Variants in LOXL2 observed in about 807,000 individuals in gnomAD.
LOXL2 encodes the protein lysyl oxidase like 2.
Under a neutral mutation model 93.0 loss-of-function variants are expected in LOXL2, and 70 were observed. The observed-to-expected ratio is 0.75, with a 90% CI of 0.62 to 0.92. LOXL2 has a LOEUF of 0.92. Among genes scored for constraint, LOXL2 ranks in the 40% least tolerant of loss-of-function variants. The probability of loss-of-function intolerance (pLI) is 0.00; values close to 1 mark genes in which losing one functional copy is unlikely to be tolerated. For synonymous variants in LOXL2, 438 were observed against 413.2 expected (o/e 1.06, Z -0.73); for missense variants, 973 against 1,054.9 (o/e 0.92, Z 1.08).
intron 6 of LOXL2, among the ~76,000 whole-genome samples, chr8:23,323,725 G>A (rs552918482): frequency 6.6e-5 from 10 of 151,728 alleles, no homozygotes; most frequent in Non-Finnish European, 1.0e-4. Context: ...GGGGTGGGAC[G>A]AACTCTTGCT....
Position 23,302,181 on chromosome 8 carries a change from G to A in LOXL2, c.1997-18C>T. 1 of 1,613,426 alleles carries A rather than the reference G, an allele frequency of 6.2e-7. No individual in the cohort carries two copies. Among genetic ancestry groups the A allele is most frequent in the East Asian group, 2.2e-5 (1 of 44,864 alleles). On this transcript the variant is annotated intron_variant, in intron 11 of 13. Coordinates refer to ENST00000389131, the MANE Select transcript of LOXL2 (RefSeq NM_002318.3). ...CTGGATGTCTGCGGGCAGGGTAGAG[G>A]AGAGCTCATCACCAGGGAACCATGG...
At chr8:23,388,510 G>A (rs1804796208) in intron 1 of LOXL2, among the ~76,000 whole-genome samples, 1 of 152,044 alleles carries the variant, frequency 6.6e-6, no homozygotes, top group Non-Finnish European at 1.5e-5. Flanking sequence ...CTTGAGCCCA[G>A]GAGGTTGAGG....
At position 23,298,920 on chromosome 8, in the gene LOXL2, C is replaced by G; in HGVS notation, c.2161G>C (p.Ala721Pro). 6.2e-7 allele frequency: 1 copy of G among 1,613,340 alleles called. No homozygotes were observed. The highest frequency in any genetic ancestry group is 8.5e-7 in the Non-Finnish European group (1 of 1,179,356). Residue 721 changes from alanine to proline, a missense_variant, in exon 13 of 14, where the codon GCA becomes CCA. Transcript: ENST00000389131. Reference protein sequence around the residue: ...QVVINPNFEVAESDYSNNIMK... With the variant: ...QVVINPNFEVPESDYSNNIMK... Reference sequence around the variant, plus strand: ...ATGTTGTTGGAGTAATCGGATTCTGCAACCTCGAAGTTGGGGTTAATAACA... The same window carrying G: ...ATGTTGTTGGAGTAATCGGATTCTGGAACCTCGAAGTTGGGGTTAATAACA...
At chr8:23,402,233 A>G (rs1400414380) in intron 1 of LOXL2, among the ~76,000 whole-genome samples, 3 of 97,740 alleles carry the variant, frequency 3.1e-5, no homozygotes, top group African/African-American at 8.5e-5. Context: ...ACACCGGTGC[A>G]CACACATACA....
intron 1 of LOXL2, among the ~76,000 whole-genome samples, chr8:23,403,595 C>T (rs921480890): frequency 1.3e-5 from 2 of 152,204 alleles, no homozygotes; most frequent in African/African-American, 4.8e-5. Flanking sequence ...GACGCTGTCC[C>T]TGGAGCCACG....
intron 1 of LOXL2, among the ~76,000 whole-genome samples, chr8:23,377,816 T>C (rs1804617823): frequency 6.6e-6 from 1 of 152,202 alleles, no homozygotes; most frequent in South Asian, 2.1e-4. Flanking sequence ...ATCCCTTTAT[T>C]GTGAGCCTAT....
At chr8:23,332,161 C>A (rs1410388956) in intron 5 of LOXL2, among the ~76,000 whole-genome samples, 1 of 151,182 alleles carries the variant, frequency 6.6e-6, no homozygotes, top group Non-Finnish European at 1.5e-5. Flanking sequence ...CACTCACACA[C>A]ACACTCACAC....
intron 5 of LOXL2, among the ~76,000 whole-genome samples, chr8:23,332,226 C>G (rs554934149): frequency 8.3e-6 from 1 of 120,552 alleles, no homozygotes; most frequent in Non-Finnish European, 1.8e-5. Flanking sequence ...CCACACACCC[C>G]CTACACACTC....
At chr8:23,386,520 A>G (rs1330650540) in intron 1 of LOXL2, among the ~76,000 whole-genome samples, 1 of 152,228 alleles carries the variant, frequency 6.6e-6, no homozygotes, top group African/African-American at 2.4e-5. Flanking sequence ...AATATGGCAG[A>G]CACATTTCTC....
intron 6 of LOXL2, among the ~76,000 whole-genome samples, chr8:23,325,791 C>T (rs773353789): frequency 1.3e-5 from 2 of 152,202 alleles, no homozygotes; most frequent in Non-Finnish European, 2.9e-5. Context: ...CTTGCAGGGA[C>T]ATGGAGGCAC....
In LOXL2 at chr8:23,297,246, T is replaced by C. The variant is rs2117132890; in HGVS notation, c.*797A>G. On this transcript the variant is annotated 3_prime_UTR_variant, in exon 14 of 14. Coordinates refer to ENST00000389131, the MANE Select transcript of LOXL2 (RefSeq NM_002318.3). The stretch of plus-strand genomic sequence containing the variant: ...AAGTGTCTGTGATGACACATGGTGC[T>C]CAGTGAGCGCCCTGTCACCCAGGAC... 1 of 152,316 alleles carries C rather than the reference T, an allele frequency of 6.6e-6. No homozygotes were observed. The highest frequency in any genetic ancestry group is 2.4e-5 in the African/African-American group (1 of 41,558). 9.4% of individuals were successfully genotyped at this position (152,316 alleles called of 1,614,324 possible).
At chr8:23,309,411 AC>A (rs1273025635) in intron 10 of LOXL2, among the ~76,000 whole-genome samples, 2 of 152,208 alleles carry the variant, frequency 1.3e-5, no homozygotes, top group African/African-American at 2.4e-5. Flanking sequence ...GGCGCTCAAA[AC>A]AAAGTGTGTT....
At chr8:23,305,823 T>A (rs1293400587) in intron 10 of LOXL2, among the ~76,000 whole-genome samples, 1 of 151,958 alleles carries the variant, frequency 6.6e-6, no homozygotes, top group Non-Finnish European at 1.5e-5. Context: ...GTTTTTGTTT[T>A]TTTTTTGAGA....
intron 3 of LOXL2, among the ~76,000 whole-genome samples, chr8:23,356,222 C>T (rs1188894197): frequency 1.3e-5 from 2 of 152,216 alleles, no homozygotes; most frequent in African/African-American, 2.4e-5. Context: ...ACCATCCACT[C>T]TGTTTACACA....
rs1159727066 is a variant in LOXL2 at position 23,394,396 on chromosome 8, GAA to G, written c.-84+9556_-84+9557del. 3.1e-5 allele frequency among the ~76,000 whole-genome samples: 2 copies of G among 64,350 alleles called. 1 individual carries two copies. Among genetic ancestry groups the G allele is most frequent in the African/African-American group, 1.1e-4 (2 of 17,706 alleles). 42.2% of individuals were successfully genotyped at this position (64,350 alleles called of 152,430 possible). ...TGACAGAGTGAGACTCTGTCTCAGA[GAA>G]AAAAAAAAAAAAAAAAAGACAACCA... On this transcript the variant is annotated intron_variant, in intron 1 of 13. Coordinates refer to ENST00000389131, the MANE Select transcript of LOXL2 (RefSeq NM_002318.3).
intron 10 of LOXL2, among the ~76,000 whole-genome samples, chr8:23,305,774 A>C (rs1029609046): frequency 6.6e-6 from 1 of 151,840 alleles, no homozygotes; most frequent in Non-Finnish European, 1.5e-5. Context: ...AAGAAGACAC[A>C]GCCTTCTACC....
chr8:23,309,174 G>C lies in LOXL2; in HGVS notation c.1880+494C>G, dbSNP rs543000159. Among the ~76,000 whole-genome samples the C allele has an allele frequency of 3.3e-5, 5 of 152,066 alleles. No homozygotes were observed. The South Asian group carries it at 1.0e-3, about 32-fold the overall frequency. ...TAATTTTCGTATTTTTAGTAGAGAC[G>C]GGGTTTCACCGTGTTAGCCAGAATG... On this transcript the variant is annotated intron_variant, in intron 10 of 13. Coordinates refer to ENST00000389131, the MANE Select transcript of LOXL2 (RefSeq NM_002318.3).
chr8:23,308,928 C>T (rs1803275611), intron 10 of LOXL2, among the ~76,000 whole-genome samples: 1 of 151,878 alleles, frequency 6.6e-6, no homozygotes, highest in Admixed American at 6.6e-5. Flanking sequence ...TCTCCACACC[C>T]ATTGTCTTCC....
intron 1 of LOXL2, among the ~76,000 whole-genome samples, chr8:23,390,990 A>G (rs1042367184): frequency 6.6e-6 from 1 of 152,206 alleles, no homozygotes; most frequent in African/African-American, 2.4e-5. Context: ...GGCAGCAGAC[A>G]TGAGAGAATA....
Sources: allele counts gnomAD v4.1 joint callset (sites outside exome capture counted in the v4.1 genomes callset), GRCh38; gene constraint gnomAD v4.1.1; transcripts MANE v1.5; gene names NCBI Gene and HGNC (gene_info 2026-07-23, HGNC 2026-07-21).